The following NACC2 variants were observed in gnomAD, a reference collection of about 807,000 sequenced individuals.
The protein encoded by NACC2 is nucleus accumbens-associated protein 2.
In NACC2, 8 loss-of-function variants were observed where a neutral mutation model predicts 25.1. That is an observed-to-expected ratio of 0.32 (90% confidence interval 0.19 to 0.57). The LOEUF is 0.57. Ranked by LOEUF, NACC2 falls within the 20% of genes least tolerant of loss-of-function variation. NACC2 has a pLI of 0.89. For synonymous variants in NACC2, 435 were observed against 294.7 expected (o/e 1.48, Z -4.88); for missense variants, 644 against 650.2 (o/e 0.99, Z 0.10).
intron 1 of NACC2, among the ~76,000 whole-genome samples, chr9:136,092,477 G>A (rs1355674801): frequency 1.3e-5 from 2 of 152,210 alleles, no homozygotes; most frequent in Non-Finnish European, 2.9e-5. Context: ...CTCCTGCCTT[G>A]GAGGGCGCTC....
rs1438569390 is a variant in NACC2, at chr9:136,007,490, CAG to C, written c.*4024_*4025del. 3.3e-5 allele frequency: 5 copies of C among 150,122 alleles called. No individual in the cohort carries two copies. The highest frequency in any genetic ancestry group is 2.1e-4 in the South Asian group (1 of 4,768). 9.3% of individuals were successfully genotyped at this position (150,122 alleles called of 1,614,324 possible). ...GCACACACACAGACGCACACACGCACAGACACACACATGCACAGACGCGCACA... is the reference window on the plus strand; with the variant it reads ...GCACACACACAGACGCACACACGCACACACACACATGCACAGACGCGCACA... On this transcript the variant is annotated 3_prime_UTR_variant, in exon 6 of 6. Transcript: ENST00000277554.
chr9:136,044,375 C>T (rs1000628344), intron 2 of NACC2, among the ~76,000 whole-genome samples: 7 of 152,184 alleles, frequency 4.6e-5, no homozygotes, highest in African/African-American at 1.7e-4. Flanking sequence ...ATTAGCTGGG[C>T]ATAGCGGCAC....
chr9:136,094,588 T>C (rs1400228482), intron 1 of NACC2, among the ~76,000 whole-genome samples: 2 of 152,026 alleles, frequency 1.3e-5, no homozygotes, highest in African/African-American at 2.4e-5. Flanking sequence ...CCCCTCCCCC[T>C]GCGGCCGGAC....
chr9:136,062,167 C>A (rs569639575), intron 1 of NACC2, among the ~76,000 whole-genome samples: 8 of 109,488 alleles, frequency 7.3e-5, no homozygotes, highest in African/African-American at 1.9e-4. Flanking sequence ...CAGGACAGGA[C>A]AGGACAGGAA....
chr9:136,065,533 T>C (rs751350803), intron 1 of NACC2, among the ~76,000 whole-genome samples: 53 of 152,238 alleles, frequency 3.5e-4, no homozygotes, highest in Admixed American at 2.0e-4. Flanking sequence ...GGCAGGATAA[T>C]TGCTTGAACC....
intron 3 of NACC2, among the ~76,000 whole-genome samples, chr9:136,014,638 A>G (rs542156332): frequency 6.6e-6 from 1 of 152,068 alleles, no homozygotes; most frequent in Non-Finnish European, 1.5e-5. Context: ...TTTGGGAAAC[A>G]CTCATGTCTT....
intron 2 of NACC2, among the ~76,000 whole-genome samples, chr9:136,044,476 G>A (rs996292639): frequency 0.012 from 1,893 of 152,250 alleles, 47 homozygotes; most frequent in African/African-American, 0.042. Flanking sequence ...GACCCCTGCA[G>A]CCAACGGCAC....
intron 2 of NACC2, among the ~76,000 whole-genome samples, chr9:136,028,259 C>T (rs1840423342): frequency 1.3e-5 from 2 of 151,632 alleles, no homozygotes; most frequent in East Asian, 1.9e-4. Flanking sequence ...CTCCATTACA[C>T]AACAGGTTCT....
intron 1 of NACC2, among the ~76,000 whole-genome samples, chr9:136,094,404 C>G (rs1830465369): frequency 6.6e-6 from 1 of 152,192 alleles, no homozygotes; most frequent in Non-Finnish European, 1.5e-5. Context: ...CTCTGACCTC[C>G]GACCCCACAC....
chr9:136,059,382 G>A (rs1284554471), intron 1 of NACC2, among the ~76,000 whole-genome samples: 1 of 152,250 alleles, frequency 6.6e-6, no homozygotes, highest in Non-Finnish European at 1.5e-5. Flanking sequence ...CACCTCCAGA[G>A]AGAAGCCAGC....
chr9:136,069,309 G>A (rs1841123317), intron 1 of NACC2, among the ~76,000 whole-genome samples: 1 of 146,254 alleles, frequency 6.8e-6, no homozygotes, highest in East Asian at 1.9e-4. Flanking sequence ...CACTGTGGGA[G>A]GCTGAGCCAG....
In NACC2 at chr9:136,009,348, G is replaced by GA. The variant is rs1233190784; in HGVS notation, c.*2167dup. The GA allele has an allele frequency of 6.6e-6, 1 of 152,340 alleles. No individual in the cohort carries two copies. Among genetic ancestry groups the GA allele is most frequent in the Non-Finnish European group, 1.5e-5 (1 of 68,104 alleles). The allele number at this position is 152,340 out of a possible 1,614,324, so 9.4% of individuals were successfully genotyped here. A position where few individuals can be genotyped will look rare whatever the true frequency, so the allele number is the denominator to read the frequency against. On this transcript the variant is annotated 3_prime_UTR_variant, in exon 6 of 6. Transcript: ENST00000277554. ...CCAAGACAGGGGAGGAAGAGGCAGA[G>GA]AAAGGCTCCCTCTAGGCTGGGTGGT...
chr9:136,033,648 CAAAA>C (rs558163152), intron 2 of NACC2, among the ~76,000 whole-genome samples: 1 of 71,204 alleles, frequency 1.4e-5, no homozygotes, highest in Non-Finnish European at 2.6e-5. Context: ...GACTCTGTCT[CAAAA>C]AAAAAAAAAA....
intron 1 of NACC2, among the ~76,000 whole-genome samples, chr9:136,050,817 G>A (rs920455120): frequency 6.6e-6 from 1 of 152,182 alleles, no homozygotes; most frequent in South Asian, 2.1e-4. Flanking sequence ...CCGGGGTGCT[G>A]CCCGGCAGGA....
At chr9:136,034,011 A>G (rs1032377222) in intron 2 of NACC2, among the ~76,000 whole-genome samples, 2 of 152,070 alleles carry the variant, frequency 1.3e-5, no homozygotes, top group African/African-American at 4.8e-5. Context: ...GGCAAATCAT[A>G]AGGAACTCAA....
chr9:136,046,288 C>T (rs1470276170), intron 2 of NACC2, among the ~76,000 whole-genome samples: 3 of 152,194 alleles, frequency 2.0e-5, no homozygotes, highest in African/African-American at 7.2e-5. Context: ...CTGCGCCTCA[C>T]CCTCTGGGAG....
chr9:136,023,457 C>CA (rs1432303179), intron 2 of NACC2, among the ~76,000 whole-genome samples: 2 of 152,086 alleles, frequency 1.3e-5, no homozygotes, highest in East Asian at 3.9e-4. Context: ...GCCCCACCCA[C>CA]ACTCCTGGCC....
At chr9:136,066,641 G>GCA (rs1841085358) in intron 1 of NACC2, among the ~76,000 whole-genome samples, 1 of 152,214 alleles carries the variant, frequency 6.6e-6, no homozygotes, top group Non-Finnish European at 1.5e-5. Context: ...TAGGTATGCA[G>GCA]CCAAGAGAAA....
intron 1 of NACC2, among the ~76,000 whole-genome samples, chr9:136,062,172 C>CAGGACAGGACAGGACAGGACAGGAA (rs1554741080): frequency 1.0e-5 from 1 of 97,690 alleles, no homozygotes; most frequent in Non-Finnish European, 2.4e-5. Context: ...CAGGACAGGA[C>CAGGACAGGACAGGACAGGACAGGAA]AGGAAAGGAA....
Sources: allele counts gnomAD v4.1 joint callset (sites outside exome capture counted in the v4.1 genomes callset), GRCh38; gene constraint gnomAD v4.1.1; transcripts MANE v1.5; gene names NCBI Gene and HGNC (gene_info 2026-07-23, HGNC 2026-07-21).